The following RAD51B variants were observed in gnomAD, a reference collection of about 807,000 sequenced individuals.
RAD51B encodes the protein DNA repair protein RAD51 homolog 2.
In RAD51B, 38 loss-of-function variants were observed where a neutral mutation model predicts 42.2. The ratio of observed to expected loss-of-function variants is 0.90; its 90% confidence interval spans 0.70 to 1.18. RAD51B has a LOEUF of 1.18. Ranked by LOEUF, RAD51B falls within the 50% of genes most tolerant of loss-of-function variation. The probability of loss-of-function intolerance (pLI) is 0.00; values close to 1 mark genes in which losing one functional copy is unlikely to be tolerated. For missense variants in RAD51B, 373 were observed against 400.7 expected (o/e 0.93, Z 0.59); for synonymous variants, 154 against 145.2 (o/e 1.06, Z -0.43).
At chr14:68,001,348 A>G (rs1160021064) in intron 7 of RAD51B, among the ~76,000 whole-genome samples, 2 of 152,034 alleles carry the variant, frequency 1.3e-5, no homozygotes, top group African/African-American at 2.4e-5. Flanking sequence ...AGACTCCAAT[A>G]TATCATTTTT....
intron 2 of RAD51B, among the ~76,000 whole-genome samples, chr14:67,824,853 C>T (rs538013739): frequency 1.2e-4 from 18 of 151,398 alleles, no homozygotes; most frequent in African/African-American, 3.4e-4. Flanking sequence ...CCGAGGTGGG[C>T]AGATCATGAG....
intron 10 of RAD51B, among the ~76,000 whole-genome samples, chr14:68,637,551 G>A (rs147124234): frequency 1.2e-4 from 19 of 152,282 alleles, no homozygotes; most frequent in African/African-American, 4.1e-4. Context: ...ATGGGGAGAC[G>A]GAGAAGAATT....
intron 10 of RAD51B, among the ~76,000 whole-genome samples, chr14:68,621,444 A>G (rs1302843586): frequency 6.6e-6 from 1 of 152,046 alleles, no homozygotes; most frequent in African/African-American, 2.4e-5. Context: ...TCCACTGTCT[A>G]TGCTTTAGGC....
At chr14:68,295,035 G>A (rs2081587346) in intron 8 of RAD51B, among the ~76,000 whole-genome samples, 2 of 152,204 alleles carry the variant, frequency 1.3e-5, no homozygotes, top group Non-Finnish European at 2.9e-5. Flanking sequence ...TTGTGAATGG[G>A]ATAGTTTGTG....
intron 7 of RAD51B, among the ~76,000 whole-genome samples, chr14:68,171,393 G>A (rs2078868334): frequency 1.3e-5 from 2 of 151,870 alleles, no homozygotes; most frequent in Non-Finnish European, 1.5e-5. Flanking sequence ...TCTGCCTCCC[G>A]GGTTCAAGTG....
intron 7 of RAD51B, among the ~76,000 whole-genome samples, chr14:68,097,171 T>G (rs1488664595): frequency 6.6e-6 from 1 of 152,188 alleles, no homozygotes; most frequent in Non-Finnish European, 1.5e-5. Context: ...AAAAAGCTAT[T>G]TTTTCTGAAA....
chr14:68,255,821 C>A (rs1236834701), intron 7 of RAD51B, among the ~76,000 whole-genome samples: 15 of 152,134 alleles, frequency 9.9e-5, no homozygotes, highest in Admixed American at 9.8e-4. Context: ...TTTTTCTACA[C>A]TAAAAACATT....
chr14:67,875,595 G>A (rs2042699497), intron 5 of RAD51B, among the ~76,000 whole-genome samples: 1 of 152,158 alleles, frequency 6.6e-6, no homozygotes, highest in African/African-American at 2.4e-5. Flanking sequence ...CAGGTTTGTA[G>A]CCTAGGAGCA....
chr14:68,154,503 A>T (rs2078458496), intron 7 of RAD51B, among the ~76,000 whole-genome samples: 1 of 152,086 alleles, frequency 6.6e-6, no homozygotes, highest in Non-Finnish European at 1.5e-5. Flanking sequence ...ACTAATCAGT[A>T]CTCTGATGAA....
chr14:67,854,817 A>C (rs554138701), intron 4 of RAD51B, among the ~76,000 whole-genome samples: 3 of 151,882 alleles, frequency 2.0e-5, no homozygotes, highest in African/African-American at 2.4e-5. Context: ...AAAAAAAAAA[A>C]AAATTAGGTG....
intron 7 of RAD51B, among the ~76,000 whole-genome samples, chr14:68,032,570 T>A (rs919552177): frequency 1.3e-5 from 2 of 152,182 alleles, no homozygotes; most frequent in Admixed American, 6.5e-5. Context: ...TTCTGATAAT[T>A]CTGCTGCCTA....
intron 4 of RAD51B, among the ~76,000 whole-genome samples, chr14:67,837,681 G>A (rs907182070): frequency 1.3e-5 from 2 of 151,924 alleles, no homozygotes; most frequent in East Asian, 3.9e-4. Flanking sequence ...TACAATAATT[G>A]TATATATTTA....
At chr14:67,873,530 C>T (rs1249306351) in intron 5 of RAD51B, among the ~76,000 whole-genome samples, 30 of 151,322 alleles carry the variant, frequency 2.0e-4, no homozygotes, top group Non-Finnish European at 8.9e-5. Flanking sequence ...GTCAGTGTGG[C>T]GATTCCTCAG....
chr14:67,841,860 T>C (rs538013496), intron 4 of RAD51B, among the ~76,000 whole-genome samples: 33 of 152,326 alleles, frequency 2.2e-4, no homozygotes, highest in African/African-American at 6.7e-4. Flanking sequence ...CTTTGTTCTC[T>C]TTGCTTAGGA....
chr14:68,490,459 G>T (rs1490184180), intron 10 of RAD51B, among the ~76,000 whole-genome samples: 4 of 152,184 alleles, frequency 2.6e-5, no homozygotes, highest in African/African-American at 9.7e-5. Flanking sequence ...CCGATTCAAA[G>T]AAAGTATATG....
chr14:68,545,465 C>A, intron 10 of RAD51B: 2 of 420,648 alleles, frequency 4.8e-6, no homozygotes, highest in Non-Finnish European at 9.6e-6. Flanking sequence ...GTGTGCCAGG[C>A]ATTTTTTTTC....
chr14:68,119,608 G>A (rs1164397888), intron 7 of RAD51B, among the ~76,000 whole-genome samples: 1 of 148,580 alleles, frequency 6.7e-6, no homozygotes, highest in Non-Finnish European at 1.5e-5. Context: ...TGAGAATGAT[G>A]ATTTCCAATT....
chr14:68,390,913 T>C (rs2083732028), intron 8 of RAD51B, among the ~76,000 whole-genome samples: 1 of 152,170 alleles, frequency 6.6e-6, no homozygotes, highest in South Asian at 2.1e-4. Flanking sequence ...CCTGGTAGGA[T>C]CTAAAGACGT....
At chr14:68,022,394 A>G (rs909965317) in intron 7 of RAD51B, among the ~76,000 whole-genome samples, 3 of 152,200 alleles carry the variant, frequency 2.0e-5, no homozygotes, top group Non-Finnish European at 2.9e-5. Context: ...TGATGAACAT[A>G]TGAGTGCCTG....
Sources: allele counts gnomAD v4.1 joint callset (sites outside exome capture counted in the v4.1 genomes callset), GRCh38; gene constraint gnomAD v4.1.1; transcripts MANE v1.5; gene names NCBI Gene and HGNC (gene_info 2026-07-23, HGNC 2026-07-21).